TOX2: variants seen among roughly 807,000 people sequenced by gnomAD.
The protein encoded by TOX2 is TOX high mobility group box family member 2.
Under a neutral mutation model 47.4 loss-of-function variants are expected in TOX2, and 15 were observed. The ratio of observed to expected loss-of-function variants is 0.32; its 90% CI spans 0.21 to 0.49. The LOEUF (loss-of-function observed/expected upper bound fraction) is 0.49, where lower values mean the gene tolerates loss of function less well. TOX2 is among the 20% of genes least tolerant of loss of function. The probability of loss-of-function intolerance (pLI) is 0.99; values close to 1 mark genes in which losing one functional copy is unlikely to be tolerated. For synonymous variants in TOX2, 290 were observed against 296.6 expected (o/e 0.98, Z 0.23); for missense variants, 622 against 673.1 (o/e 0.92, Z 0.84).
chr20:44,048,388 T>TTTTATATATATA (rs1555845973), intron 3 of TOX2, among the ~76,000 whole-genome samples: 6 of 86,850 alleles, frequency 6.9e-5, no homozygotes, highest in East Asian at 3.0e-4. Flanking sequence ...TAAAATGAAT[T>TTTTATATATATA]TATATATATA....
At chr20:44,019,478 T>C (rs1398787872) in intron 3 of TOX2, among the ~76,000 whole-genome samples, 1 of 152,266 alleles carries the variant, frequency 6.6e-6, no homozygotes, top group Non-Finnish European at 1.5e-5. Context: ...GTGGGACCCT[T>C]GCCCCTGTCT....
chr20:43,979,444 CAAGAA>C (rs1286127381), intron 2 of TOX2, among the ~76,000 whole-genome samples: 3 of 151,978 alleles, frequency 2.0e-5, no homozygotes, highest in African/African-American at 7.3e-5. Context: ...CAGAGTAATT[CAAGAA>C]GAGAGGGGAT....
chr20:43,992,848 A>AC lies in TOX2; in HGVS notation c.166-13698dup, dbSNP rs1229987481. ...CATGAAACACATTCGTGTAGGGTTT[A>AC]CAAAAAAAAAAAAAAAAAGAAAAAA... On this transcript the variant is annotated intron_variant, in intron 2 of 8. Transcript: ENST00000341197. 2.3e-3 allele frequency among the ~76,000 whole-genome samples: 292 copies of AC among 128,176 alleles called. 1 individual carries two copies. Among genetic ancestry groups the AC allele is most frequent in the African/African-American group, 0.01 (285 of 28,124 alleles). The allele number at this position is 128,176 out of a possible 152,430, so 84.1% of individuals were successfully genotyped here. A position where few individuals can be genotyped will look rare whatever the true frequency, so the allele number is the denominator to read the frequency against.
chr20:43,990,423 C>T (rs151140425), intron 2 of TOX2, among the ~76,000 whole-genome samples: 14 of 152,228 alleles, frequency 9.2e-5, no homozygotes, highest in East Asian at 5.8e-4. Flanking sequence ...TACAGGAGCA[C>T]GGGGTCCAGG....
intron 1 of TOX2, among the ~76,000 whole-genome samples, chr20:43,944,039 T>C (rs1378023615): frequency 1.7e-4 from 26 of 152,250 alleles, no homozygotes; most frequent in Admixed American, 1.7e-3. Flanking sequence ...TGTGTGTGTG[T>C]GTGTGTTTCT....
chr20:43,924,968 T>A (rs6073254), intron 1 of TOX2, among the ~76,000 whole-genome samples: 1 of 152,230 alleles, frequency 6.6e-6, no homozygotes, highest in Non-Finnish European at 1.5e-5. Flanking sequence ...TTACTTTTAA[T>A]ACATTCGTTG....
intron 1 of TOX2, among the ~76,000 whole-genome samples, chr20:43,943,509 G>A (rs2069427372): frequency 6.6e-6 from 1 of 152,158 alleles, no homozygotes; most frequent in Middle Eastern, 3.2e-3. Flanking sequence ...ACCCTTACCG[G>A]TGAGTACTGT....
rs564618066 is a variant in TOX2, at chr20:44,019,753, C to T, written c.411+12961C>T. Reference sequence around the variant, plus strand: ...ATCCCGGAAACTGATAACAAGACCGCGAGTCAGGAAGCCTGGGTTTAACTT... The same window carrying T: ...ATCCCGGAAACTGATAACAAGACCGTGAGTCAGGAAGCCTGGGTTTAACTT... On this transcript the variant is annotated intron_variant, in intron 3 of 8. Transcript: ENST00000341197. Among the ~76,000 whole-genome samples the T allele has an allele frequency of 2.1e-4, 32 of 152,238 alleles. 1 individual carries two copies. The South Asian group carries it at 6.0e-3, about 29-fold the overall frequency.
chr20:43,929,302 T>G lies in TOX2; in HGVS notation c.99+14312T>G, dbSNP rs2069221559. ...TTCTGCTTAAAGCCTTCCAGTGCTT[T>G]GCCCTGGTGAGTAGATAACATCCAA... On this transcript the variant is annotated intron_variant, in intron 1 of 8. Coordinates refer to ENST00000341197, the MANE Select transcript of TOX2 (RefSeq NM_001098797.2). 2.0e-5 allele frequency among the ~76,000 whole-genome samples: 3 copies of G among 152,360 alleles called. No homozygotes were observed. In the South Asian group the frequency reaches 6.2e-4, roughly 32 times the overall value.
At chr20:43,938,564 G>C (rs553076117) in intron 1 of TOX2, among the ~76,000 whole-genome samples, 13 of 152,214 alleles carry the variant, frequency 8.5e-5, no homozygotes, top group Non-Finnish European at 1.8e-4. Flanking sequence ...CTCTGAGAGG[G>C]AGGGCGCTGA....
intron 3 of TOX2, among the ~76,000 whole-genome samples, chr20:44,034,921 A>G (rs2071215805): frequency 2.0e-5 from 3 of 152,142 alleles, no homozygotes; most frequent in Non-Finnish European, 1.5e-5. Flanking sequence ...ACTCTGCTCA[A>G]TCCTGCTCCT....
chr20:43,942,630 A>C (rs2069415990), intron 1 of TOX2, among the ~76,000 whole-genome samples: 1 of 152,146 alleles, frequency 6.6e-6, no homozygotes, highest in South Asian at 2.1e-4. Flanking sequence ...AGGCTGCAGT[A>C]AGTTATGCTC....
intron 1 of TOX2, among the ~76,000 whole-genome samples, chr20:43,944,542 TC>T (rs1430615637): frequency 7.0e-6 from 1 of 143,508 alleles, no homozygotes; most frequent in Non-Finnish European, 1.5e-5. Flanking sequence ...CCTTTTGTAA[TC>T]CCCCTTCCAG....
intron 2 of TOX2, among the ~76,000 whole-genome samples, chr20:43,980,437 G>A (rs2070150999): frequency 6.6e-6 from 1 of 152,120 alleles, no homozygotes; most frequent in Non-Finnish European, 1.5e-5. Context: ...GAATGAATAA[G>A]ATTTAATGTT....
At chr20:43,931,050 TG>T (rs1376424904) in intron 1 of TOX2, among the ~76,000 whole-genome samples, 1 of 152,210 alleles carries the variant, frequency 6.6e-6, no homozygotes, top group Admixed American at 6.5e-5. Context: ...CGTTTGCTCA[TG>T]GGTGGAGCCT....
At chr20:44,023,464 GA>G (rs1469708548) in intron 3 of TOX2, among the ~76,000 whole-genome samples, 1 of 147,264 alleles carries the variant, frequency 6.8e-6, no homozygotes, top group African/African-American at 2.5e-5. Context: ...GGGAAAGAAG[GA>G]CTGACTGGAT....
chr20:44,065,864 C>T lies in TOX2; in HGVS notation c.1113C>T (p.Ala371=), dbSNP rs1324381221. The T allele has an allele frequency of 6.8e-6, 11 of 1,613,612 alleles. No individual in the cohort carries two copies. Among genetic ancestry groups the T allele is most frequent in the East Asian group, 2.2e-5 (1 of 44,874 alleles). Reference sequence around the variant, plus strand: ...CCTTCCGCAGTGGGGCCTCCCCTGCCAGCCTCGCCCGGACGCTGGGCTCCA... The same window carrying T: ...CCTTCCGCAGTGGGGCCTCCCCTGCTAGCCTCGCCCGGACGCTGGGCTCCA... ...LQAFRSGASP[A]SLARTLGSKS... Residue 371 remains alanine, a synonymous_variant, in exon 7 of 9, where the codon GCC becomes GCT. Transcript: ENST00000341197.
chr20:44,045,641 T>C (rs958555465), intron 3 of TOX2, among the ~76,000 whole-genome samples: 2 of 152,224 alleles, frequency 1.3e-5, no homozygotes, highest in African/African-American at 4.8e-5. Flanking sequence ...CTAACAGCAG[T>C]GTATGCAGAA....
At chr20:43,959,295 G>A (rs942942161) in intron 1 of TOX2, among the ~76,000 whole-genome samples, 2 of 152,234 alleles carry the variant, frequency 1.3e-5, no homozygotes, top group African/African-American at 4.8e-5. Flanking sequence ...TGCTTCCAGA[G>A]CTGTGCTGCA....
Sources: gnomAD v4.1 joint callset for allele counts (sites outside exome capture counted in the v4.1 genomes callset) on GRCh38, gnomAD v4.1.1 for gene constraint, MANE v1.5 for transcripts, NCBI Gene and HGNC (gene_info 2026-07-23, HGNC 2026-07-21) for gene names.